SMARCA5: variants seen among roughly 807,000 people sequenced by gnomAD.
SMARCA5 encodes SNF2 related chromatin remodeling ATPase 5, also known as SWI/SNF-related matrix-associated actin-dependent regulator of chromatin subfamily A member 5.
In SMARCA5, 18 loss-of-function variants were observed where a neutral mutation model predicts 140.4. That is an observed-to-expected ratio of 0.13 (90% CI 0.09 to 0.19). SMARCA5 has a LOEUF of 0.19. SMARCA5 is among the 10% of genes least tolerant of loss of function. The pLI, the probability that SMARCA5 is intolerant of heterozygous loss-of-function variation, is 1.00. For synonymous variants in SMARCA5, 449 were observed against 419.6 expected, an observed-to-expected ratio of 1.07 and a Z score of -0.86; for missense variants, 606 against 1,276.8, an observed-to-expected ratio of 0.47 and a Z score of 8.01.
chr4:143,554,923 A>G lies in SMARCA5; in HGVS notation c.*1739A>G. 2.5e-5 allele frequency: 9 copies of G among 356,850 alleles called. No homozygotes were observed. The highest frequency in any genetic ancestry group is 2.2e-4 in the South Asian group (9 of 40,332). The allele number at this position is 356,850 out of a possible 1,614,324, so 22.1% of individuals were successfully genotyped here. A position where few individuals can be genotyped will look rare whatever the true frequency, so the allele number is the denominator to read the frequency against. On this transcript the variant is annotated 3_prime_UTR_variant, in exon 24 of 24. Coordinates refer to ENST00000283131, the MANE Select transcript of SMARCA5 (RefSeq NM_003601.4). ...CCTGAGAGCTTAGGGACTCAAATGG[A>G]AACTGTGTGAAGGGAAACTCACTTG...
At chr4:143,550,341 A>C (rs866861139) in intron 23 of SMARCA5, among the ~76,000 whole-genome samples, 2 of 149,250 alleles carry the variant, frequency 1.3e-5, no homozygotes, top group Non-Finnish European at 3.0e-5. Flanking sequence ...ATGAGTAAGT[A>C]TGTATTTATA....
chr4:143,528,066 TGATTA>T (rs776415681), intron 7 of SMARCA5, 43 bp downstream of exon 7: 2 of 1,445,886 alleles, frequency 1.4e-6, no homozygotes, highest in African/African-American at 2.9e-5. Flanking sequence ...TGTAAGAATT[TGATTA>T]AAGTACAGAT....
intron 6 of SMARCA5, 130 bp downstream of exon 6, chr4:143,526,590 A>AT: frequency 7.6e-6 from 5 of 657,812 alleles, no homozygotes; most frequent in Non-Finnish European, 1.3e-5. Flanking sequence ...CAAATGTAGC[A>AT]TTGTCTTGGT....
At chr4:143,544,335 G>A (rs560444357) in intron 16 of SMARCA5, 4 of 175,240 alleles carry the variant, frequency 2.3e-5, no homozygotes, top group African/African-American at 9.4e-5. Context: ...GTAATATAGA[G>A]ATAAATTGAA....
At chr4:143,537,960 G>A (rs1405233676) in intron 11 of SMARCA5, among the ~76,000 whole-genome samples, 3 of 151,864 alleles carry the variant, frequency 2.0e-5, no homozygotes, top group African/African-American at 7.3e-5. Context: ...TTGAGGTGCA[G>A]GAACGTGTGA....
chr4:143,535,228 A>G (rs1332572979), intron 10 of SMARCA5, among the ~76,000 whole-genome samples: 1 of 152,196 alleles, frequency 6.6e-6, no homozygotes, highest in Non-Finnish European at 1.5e-5. Context: ...GGTTCATATG[A>G]AACCATCTAC....
intron 4 of SMARCA5, among the ~76,000 whole-genome samples, chr4:143,525,048 T>A (rs1737039022): frequency 6.7e-6 from 1 of 148,416 alleles, no homozygotes; most frequent in Admixed American, 6.7e-5. Flanking sequence ...CCTATTTCTT[T>A]TTTTTTTTTT....
intron 22 of SMARCA5, among the ~76,000 whole-genome samples, chr4:143,548,846 C>T (rs1449591943): frequency 6.6e-6 from 1 of 151,978 alleles, no homozygotes; most frequent in African/African-American, 2.4e-5. Flanking sequence ...TAAGATTTCT[C>T]TGTATATTTA....
intron 14 of SMARCA5, among the ~76,000 whole-genome samples, chr4:143,542,870 C>G (rs1277933090): frequency 6.6e-6 from 1 of 152,116 alleles, no homozygotes; most frequent in Non-Finnish European, 1.5e-5. Flanking sequence ...GTCCTAGCTA[C>G]TTGGGAAGCT....
chr4:143,517,472 T>C, intron 2 of SMARCA5, 43 bp downstream of exon 2: 1 of 1,238,944 alleles, frequency 8.1e-7, no homozygotes, highest in Non-Finnish European at 1.1e-6. Flanking sequence ...GGAAAACTTT[T>C]TATCAGGTGA....
chr4:143,514,213 T>C, intron 1 of SMARCA5, 112 bp downstream of exon 1: 1 of 959,394 alleles, frequency 1.0e-6, no homozygotes, highest in Non-Finnish European at 1.5e-6. Context: ...TGCACCAGAC[T>C]CAGCTTCACA....
intron 18 of SMARCA5, 101 bp downstream of exon 18, chr4:143,545,684 A>G: frequency 1.2e-6 from 1 of 816,198 alleles, no homozygotes; most frequent in East Asian, 2.5e-5. Flanking sequence ...CTAGTGTGAA[A>G]CAATACTGCT....
intron 9 of SMARCA5, among the ~76,000 whole-genome samples, chr4:143,532,375 C>G (rs1400496128): frequency 1.3e-5 from 2 of 151,970 alleles, no homozygotes; most frequent in Admixed American, 1.3e-4. Flanking sequence ...CTTGGCTTTC[C>G]TTTAGTAAAT....
At chr4:143,519,683 T>A (rs1304713638) in intron 2 of SMARCA5, among the ~76,000 whole-genome samples, 1 of 152,138 alleles carries the variant, frequency 6.6e-6, no homozygotes, top group Non-Finnish European at 1.5e-5. Flanking sequence ...ATAGATAAGT[T>A]CACTATCCAC....
intron 1 of SMARCA5, chr4:143,514,309 A>G (rs1202297358): frequency 5.8e-6 from 3 of 517,798 alleles, no homozygotes; most frequent in Non-Finnish European, 1.0e-5. Flanking sequence ...CTGGCTCCTC[A>G]CATTTAAATT....
At chr4:143,537,998 T>C (rs1429985989) in intron 11 of SMARCA5, among the ~76,000 whole-genome samples, 1 of 152,106 alleles carries the variant, frequency 6.6e-6, no homozygotes, top group Non-Finnish European at 1.5e-5. Context: ...CCTCTGCTTC[T>C]AGGACAGGAT....
chr4:143,556,253 G>T lies in SMARCA5; in HGVS notation c.*3069G>T, dbSNP rs1737751197. On this transcript the variant is annotated 3_prime_UTR_variant, in exon 24 of 24. Coordinates refer to ENST00000283131, the MANE Select transcript of SMARCA5 (RefSeq NM_003601.4). ...AGTATTTAATATATGCCGATTGTTTGAACTAATCTGGATTTAATTATATAA... is the reference window on the plus strand; with the variant it reads ...AGTATTTAATATATGCCGATTGTTTTAACTAATCTGGATTTAATTATATAA... 1 of 152,100 alleles carries T rather than the reference G, an allele frequency of 6.6e-6. No homozygotes were observed. Among genetic ancestry groups the T allele is most frequent in the Non-Finnish European group, 1.5e-5 (1 of 68,018 alleles). 9.4% of individuals were successfully genotyped at this position (152,100 alleles called of 1,614,324 possible).
Position 143,550,093 on chromosome 4 carries a change from C to A in SMARCA5, c.3082C>A (p.Pro1028Thr). The change falls in exon 23 of 24, where the codon CCA becomes ACA. Residue 1028 changes from proline (P) to threonine (T), a missense_variant. This residue lies in a region of SMARCA5 where 40 missense variants were observed against 59.8 expected (regional missense o/e 0.67). Coordinates refer to ENST00000283131, the MANE Select transcript of SMARCA5 (RefSeq NM_003601.4). Reference protein sequence around the residue: ...KEKAEKKKRGPKPSTQKRKMD... With the variant: ...KEKAEKKKRGTKPSTQKRKMD... Reference sequence around the variant, plus strand: ...GAAGGCAGAGAAAAAGAAACGAGGACCAAAGCCTTCAGTAAGTATTCATGA... The same window carrying A: ...GAAGGCAGAGAAAAAGAAACGAGGAACAAAGCCTTCAGTAAGTATTCATGA... 6.4e-7 allele frequency: 1 copy of A among 1,561,220 alleles called. No homozygotes were observed. The highest frequency in any genetic ancestry group is 8.7e-7 in the Non-Finnish European group (1 of 1,149,734).
At chr4:143,539,273 A>G (rs545711134) in intron 13 of SMARCA5, among the ~76,000 whole-genome samples, 2 of 152,292 alleles carry the variant, frequency 1.3e-5, no homozygotes, top group Admixed American at 1.3e-4. Context: ...AAAGAATTAG[A>G]CAGAACTCAA....
Sources: gnomAD v4.1 joint callset for allele counts (sites outside exome capture counted in the v4.1 genomes callset) on GRCh38, gnomAD v4.1.1 for gene constraint, gnomAD v4.1.1 regional missense constraint, MANE v1.5 for transcripts, NCBI Gene and HGNC (gene_info 2026-07-23, HGNC 2026-07-21) for gene names.